Variants in STAG1 observed in about 807,000 individuals in gnomAD.
The protein encoded by STAG1 is STAG1 cohesin complex component.
Under a neutral mutation model 170.9 loss-of-function variants are expected in STAG1, and 26 were observed. That is an observed-to-expected ratio of 0.15 (90% confidence interval 0.11 to 0.21). STAG1 has a LOEUF of 0.21. Among genes scored for constraint, STAG1 ranks in the 10% least tolerant of loss-of-function variants. The pLI is 1.00. For missense variants in STAG1, 964 were observed against 1,509.5 expected, an observed-to-expected ratio of 0.64 and a Z score of 5.99; for synonymous variants, 514 against 497.7, an observed-to-expected ratio of 1.03 and a Z score of -0.44.
At chr3:136,592,977 C>T (rs1225468238) in intron 4 of STAG1, among the ~76,000 whole-genome samples, 1 of 152,168 alleles carries the variant, frequency 6.6e-6, no homozygotes, top group Non-Finnish European at 1.5e-5. Context: ...TAATTTGTGA[C>T]AAGGGTGTTG....
At chr3:136,375,964 G>A (rs61789611) in intron 23 of STAG1, among the ~76,000 whole-genome samples, 4 of 84,016 alleles carry the variant, frequency 4.8e-5, no homozygotes, top group Non-Finnish European at 6.5e-5. Context: ...GGGAGACTCC[G>A]TCTCAAAATA....
intron 4 of STAG1, among the ~76,000 whole-genome samples, chr3:136,569,144 T>C (rs1937176964): frequency 6.6e-6 from 1 of 152,100 alleles, no homozygotes; most frequent in Non-Finnish European, 1.5e-5. Flanking sequence ...CAAGTATAGA[T>C]AATATTCAAA....
intron 1 of STAG1, among the ~76,000 whole-genome samples, chr3:136,715,717 A>AGG (rs1339428553): frequency 6.6e-6 from 1 of 152,180 alleles, no homozygotes; most frequent in Non-Finnish European, 1.5e-5. Context: ...TTTTTACAAA[A>AGG]GGCAAATAAA....
intron 6 of STAG1, among the ~76,000 whole-genome samples, chr3:136,527,357 C>G (rs530006421): frequency 1.3e-5 from 2 of 152,154 alleles, no homozygotes; most frequent in Non-Finnish European, 2.9e-5. Context: ...CTTCAATCAC[C>G]GATACCCTTT....
chr3:136,532,666 C>T (rs1295960482), intron 6 of STAG1, among the ~76,000 whole-genome samples: 40 of 152,228 alleles, frequency 2.6e-4, no homozygotes, highest in Middle Eastern at 3.4e-3. Flanking sequence ...AGGACAAAAA[C>T]CCTATGATCA....
In STAG1 at chr3:136,565,286, A is replaced by C. The variant is rs559864148; in HGVS notation, c.394+3479T>G. Among the ~76,000 whole-genome samples the C allele has an allele frequency of 2.6e-5, 4 of 152,292 alleles. No homozygotes were observed. In the South Asian group the frequency reaches 6.2e-4, roughly 24 times the overall value. ...CGGACAAAAATAGCTGAAGTTAAAT[A>C]CTTGATAAAGGTTTGGTATCCACAA... On this transcript the variant is annotated intron_variant, in intron 5 of 33. Coordinates refer to ENST00000383202, the MANE Select transcript of STAG1 (RefSeq NM_005862.3).
chr3:136,536,605 G>A (rs992885190), intron 6 of STAG1, among the ~76,000 whole-genome samples: 2 of 150,716 alleles, frequency 1.3e-5, no homozygotes, highest in Non-Finnish European at 2.9e-5. Flanking sequence ...GGAGGCTAAG[G>A]CACGAGAATC....
chr3:136,511,711 C>G (rs1400482999), intron 7 of STAG1, among the ~76,000 whole-genome samples: 1 of 152,092 alleles, frequency 6.6e-6, no homozygotes, highest in Non-Finnish European at 1.5e-5. Context: ...GGCTTAATAC[C>G]TGGGTGACAA....
At chr3:136,358,318 C>T (rs1409598353) in intron 27 of STAG1, among the ~76,000 whole-genome samples, 3 of 152,032 alleles carry the variant, frequency 2.0e-5, no homozygotes, top group Non-Finnish European at 4.4e-5. Context: ...CTCCTGGGCT[C>T]AAGCAATTGG....
intron 1 of STAG1, among the ~76,000 whole-genome samples, chr3:136,684,661 G>C (rs1022058515): frequency 2.0e-5 from 3 of 151,064 alleles, no homozygotes; most frequent in Non-Finnish European, 4.4e-5. Flanking sequence ...TGAGGTGGGA[G>C]AATCATCGGG....
At chr3:136,552,616 A>G (rs1194254470) in intron 5 of STAG1, among the ~76,000 whole-genome samples, 1 of 152,204 alleles carries the variant, frequency 6.6e-6, no homozygotes, top group Non-Finnish European at 1.5e-5. Context: ...TAGAGGGTCT[A>G]GAAGAAATAA....
At chr3:136,635,815 T>C (rs1471907603) in intron 1 of STAG1, among the ~76,000 whole-genome samples, 1 of 152,258 alleles carries the variant, frequency 6.6e-6, no homozygotes, top group Non-Finnish European at 1.5e-5. Flanking sequence ...TCAATCACTT[T>C]GCTGTAGACG....
At chr3:136,504,639 A>G (rs889586334) in intron 7 of STAG1, among the ~76,000 whole-genome samples, 6 of 152,244 alleles carry the variant, frequency 3.9e-5, no homozygotes, top group Non-Finnish European at 7.3e-5. Context: ...TGTTATGAGC[A>G]TATGAAGTGA....
intron 1 of STAG1, among the ~76,000 whole-genome samples, chr3:136,692,268 C>T (rs779973522): frequency 2.8e-5 from 4 of 143,024 alleles, no homozygotes; most frequent in South Asian, 2.2e-4. Context: ...GAGCCAAGAT[C>T]GCACCATTGC....
intron 1 of STAG1, among the ~76,000 whole-genome samples, chr3:136,739,798 T>C (rs903916496): frequency 6.6e-6 from 1 of 151,678 alleles, no homozygotes; most frequent in African/African-American, 2.4e-5. Flanking sequence ...CACTCCATCC[T>C]GGGCAACAAG....
chr3:136,655,750 T>G (rs116074264), intron 1 of STAG1, among the ~76,000 whole-genome samples: 2,531 of 150,670 alleles, frequency 0.017, 76 homozygotes, highest in African/African-American at 0.059. Flanking sequence ...GGTGGCAGGG[T>G]AAGACTCCAT....
chr3:136,466,396 G>A (rs544593278), intron 12 of STAG1, among the ~76,000 whole-genome samples: 3 of 152,150 alleles, frequency 2.0e-5, no homozygotes, highest in Admixed American at 2.0e-4. Flanking sequence ...TGGAAGAAAG[G>A]GTATCAGTGA....
At chr3:136,609,956 ATT>A (rs1251802918) in intron 3 of STAG1, among the ~76,000 whole-genome samples, 1 of 152,200 alleles carries the variant, frequency 6.6e-6, no homozygotes, top group Admixed American at 6.5e-5. Context: ...ATAGTCCTGA[ATT>A]TAAAAAAAAA....
intron 4 of STAG1, among the ~76,000 whole-genome samples, chr3:136,573,354 T>C (rs1937337667): frequency 6.6e-6 from 1 of 152,094 alleles, no homozygotes. Flanking sequence ...GTTAAGAATT[T>C]GTTTTAGAAA....
Sources: allele counts gnomAD v4.1 joint callset (sites outside exome capture counted in the v4.1 genomes callset), GRCh38; gene constraint gnomAD v4.1.1; transcripts MANE v1.5; gene names NCBI Gene and HGNC (gene_info 2026-07-23, HGNC 2026-07-21).